The following SYTL2 variants were observed in gnomAD, a reference collection of about 807,000 sequenced individuals.
The protein encoded by SYTL2 is synaptotagmin like 2.
A neutral mutation model predicts 198.7 loss-of-function variants in SYTL2; 165 were observed. The observed-to-expected ratio is 0.83, with a 90% CI of 0.73 to 0.94. The LOEUF is 0.94. Ranked by LOEUF, SYTL2 falls within the 40% of genes least tolerant of loss-of-function variation. SYTL2 has a pLI of 0.00. For synonymous variants in SYTL2, 966 were observed against 917.7 expected (o/e 1.05, Z -0.95); for missense variants, 2,835 against 2,582.8 (o/e 1.10, Z -2.12).
chr11:85,757,236 T>TA (rs201675229), intron 2 of SYTL2, among the ~76,000 whole-genome samples: 10 of 82,964 alleles, frequency 1.2e-4, no homozygotes, highest in Admixed American at 8.4e-4. Flanking sequence ...TTCAAAATTC[T>TA]AAAAATTTTT....
intron 13 of SYTL2, among the ~76,000 whole-genome samples, chr11:85,710,149 T>C (rs1433027015): frequency 6.6e-6 from 1 of 152,158 alleles, no homozygotes; most frequent in Admixed American, 6.5e-5. Flanking sequence ...AGAAAGAAGA[T>C]GTGAGAAAAC....
Position 85,725,211 on chromosome 11 carries a change from A to G in SYTL2, c.4147T>C (p.Leu1383=), listed in dbSNP as rs746597791. 6.2e-7 allele frequency: 1 copy of G among 1,614,030 alleles called. No homozygotes were observed. Among genetic ancestry groups the G allele is most frequent in the South Asian group, 1.1e-5 (1 of 91,072 alleles). The change falls in exon 8 of 20, where the codon TTA becomes CTA. Residue 1383 remains leucine (L), a synonymous_variant. Transcript: ENST00000359152. ...ACTTCCCTTCCAGCTGGATAACTTA[A>G]CCATACTTCTCCACACAGCTTCTGT... The part of the protein sequence containing the change: ...ALQKLCGEVW[L]SYPAGREVGP...
intron 10 of SYTL2, 118 bp downstream of exon 10, chr11:85,718,672 C>A: frequency 1.2e-6 from 1 of 825,720 alleles, no homozygotes; most frequent in Non-Finnish European, 2.0e-6. Context: ...AGGCACTATT[C>A]ACCACATAGT....
intron 11 of SYTL2, among the ~76,000 whole-genome samples, chr11:85,715,885 T>C (rs2087146613): frequency 6.6e-6 from 1 of 152,218 alleles, no homozygotes; most frequent in African/African-American, 2.4e-5. Flanking sequence ...GATGATGCTA[T>C]GAAGGTCAAA....
chr11:85,727,675 C>T lies in SYTL2; in HGVS notation c.1683G>A (p.Leu561=). The T allele has an allele frequency of 1.3e-6, 2 of 1,539,886 alleles. No individual in the cohort carries two copies. Among genetic ancestry groups the T allele is most frequent in the Non-Finnish European group, 1.7e-6 (2 of 1,146,906 alleles). ...CTCTTAAAGTAGTGTCATCTGTCACCAAGTCAACAGCAACCTGTGATTTTG... is the reference window on the plus strand; with the variant it reads ...CTCTTAAAGTAGTGTCATCTGTCACTAAGTCAACAGCAACCTGTGATTTTG... ...TDSKSQVAVD[L]VTDDTTLREN... is the part of the protein sequence containing the mutation. The change falls in exon 8 of 20, where the codon TTG becomes TTA. Residue 561 remains leucine, a synonymous_variant. Coordinates refer to ENST00000359152, the MANE Select transcript of SYTL2 (RefSeq NM_206927.4).
At chr11:85,737,928 AC>A (rs1211396553) in intron 4 of SYTL2, among the ~76,000 whole-genome samples, 43 of 152,174 alleles carry the variant, frequency 2.8e-4, no homozygotes, top group Admixed American at 8.5e-4. Context: ...AAAGAGGGTC[AC>A]GGAGGCCCTG....
chr11:85,739,013 C>A (rs751827102), intron 4 of SYTL2, among the ~76,000 whole-genome samples: 8 of 152,186 alleles, frequency 5.3e-5, no homozygotes, highest in Non-Finnish European at 8.8e-5. Context: ...GATGAGGTCT[C>A]TCCCTTACTG....
intron 8 of SYTL2, 44 bp downstream of exon 8, chr11:85,723,988 C>A: frequency 8.5e-7 from 1 of 1,180,390 alleles, no homozygotes; most frequent in Non-Finnish European, 1.1e-6. Context: ...ATCAGCATTC[C>A]ATAAAGCAGA....
At chr11:85,803,281 T>C (rs1208659439) in intron 1 of SYTL2, among the ~76,000 whole-genome samples, 2 of 152,252 alleles carry the variant, frequency 1.3e-5, no homozygotes, top group East Asian at 1.9e-4. Flanking sequence ...AAAATCCTCA[T>C]ATCATGCACA....
intron 2 of SYTL2, among the ~76,000 whole-genome samples, chr11:85,750,318 T>G (rs542964726): frequency 6.6e-6 from 1 of 152,290 alleles, no homozygotes; most frequent in Non-Finnish European, 1.5e-5. Flanking sequence ...ACTGCCTAGA[T>G]CTTGGTACAA....
intron 7 of SYTL2, among the ~76,000 whole-genome samples, chr11:85,730,266 C>T (rs1486894575): frequency 1.3e-5 from 2 of 152,142 alleles, no homozygotes; most frequent in African/African-American, 4.8e-5. Context: ...AACCTGATAC[C>T]AAACCCTGGC....
chr11:85,785,374 G>A lies in SYTL2; in HGVS notation c.-390+25580C>T, dbSNP rs566516820. ...CCAGAAATGAACCCCCGTCAGGTAC[G>A]GAAAACAGAAGGAAAAGTGGGATTT... On this transcript the variant is annotated intron_variant, in intron 1 of 19. Transcript: ENST00000359152. 3.9e-3 allele frequency among the ~76,000 whole-genome samples: 601 copies of A among 152,268 alleles called. 2 individuals carry two copies. Among genetic ancestry groups the A allele is most frequent in the Non-Finnish European group, 6.7e-3 (458 of 68,024 alleles).
chr11:85,777,632 C>G (rs1041091199), intron 1 of SYTL2, among the ~76,000 whole-genome samples: 1 of 150,336 alleles, frequency 6.7e-6, no homozygotes, highest in Admixed American at 6.6e-5. Context: ...GATTTAATCC[C>G]CCCCCAACCC....
chr11:85,815,841 G>A (rs765892581), upstream of SYTL2, among the ~76,000 whole-genome samples: 1 of 152,168 alleles, frequency 6.6e-6, no homozygotes, highest in Non-Finnish European at 1.5e-5. Context: ...CCCTGTGTAT[G>A]TATTTTCATA....
chr11:85,778,946 C>G (rs1156312110), intron 1 of SYTL2, among the ~76,000 whole-genome samples: 1 of 152,116 alleles, frequency 6.6e-6, no homozygotes, highest in African/African-American at 2.4e-5. Flanking sequence ...CCACTGCACT[C>G]AAGCCTGGGT....
chr11:85,723,452 T>C lies in SYTL2; in HGVS notation c.5326+580A>G, dbSNP rs138733380. On this transcript the variant is annotated intron_variant, in intron 8 of 19. Coordinates refer to ENST00000359152, the MANE Select transcript of SYTL2 (RefSeq NM_206927.4). The stretch of plus-strand genomic sequence containing the variant: ...GGGAAGGAAAGTTCCGGCCTTGTAT[T>C]TTGTCCCTAGCATTTAGCCACCACT... Among the ~76,000 whole-genome samples the C allele has an allele frequency of 6.6e-4, 101 of 152,324 alleles. 1 individual carries two copies. The highest frequency in any genetic ancestry group is 3.4e-3 in the Middle Eastern group (1 of 294).
chr11:85,807,159 C>T (rs1286508037), intron 1 of SYTL2, among the ~76,000 whole-genome samples: 2 of 152,218 alleles, frequency 1.3e-5, no homozygotes, highest in East Asian at 3.8e-4. Flanking sequence ...CTGAACAATT[C>T]CCTTGAGTGG....
At chr11:85,824,214 G>A in the SYTL2 span, among the ~76,000 whole-genome samples, 1 of 152,114 alleles carries the variant, frequency 6.6e-6, no homozygotes, top group African/African-American at 2.4e-5. Context: ...ACAGAGGTGG[G>A]GAAGAAGATT....
At chr11:85,822,965 G>A in the SYTL2 span, among the ~76,000 whole-genome samples, 5,680 of 152,282 alleles carry the variant, frequency 0.037, 238 homozygotes, top group African/African-American at 0.11. Context: ...TGGTAAGGTC[G>A]CCATGCTGGC....
Sources: allele counts gnomAD v4.1 joint callset (sites outside exome capture counted in the v4.1 genomes callset), GRCh38; gene constraint gnomAD v4.1.1; transcripts MANE v1.5; gene names NCBI Gene and HGNC (gene_info 2026-07-23, HGNC 2026-07-21).